The following KDM3A variants were observed in gnomAD, a reference collection of about 807,000 sequenced individuals.
KDM3A encodes the protein lysine demethylase 3A, also known as lysine-specific demethylase 3A.
KDM3A carries 60 observed loss-of-function variants against 158.0 expected under a neutral mutation model. The observed-to-expected ratio is 0.38, with a 90% CI of 0.31 to 0.47. The LOEUF is 0.47. Ranked by LOEUF, KDM3A falls within the 20% of genes least tolerant of loss-of-function variation. The pLI is 0.99. For missense variants in KDM3A, 1,319 were observed against 1,574.3 expected (o/e 0.84, Z 2.74); for synonymous variants, 608 against 549.3 (o/e 1.11, Z -1.49).
chr2:86,444,387 A>T (rs905198256), intron 2 of KDM3A, among the ~76,000 whole-genome samples: 2 of 152,162 alleles, frequency 1.3e-5, no homozygotes, highest in Admixed American at 6.5e-5. Context: ...TAAGATGCCA[A>T]TCTTCTGTCT....
chr2:86,474,081 TTC>T (rs1673539764), intron 11 of KDM3A, among the ~76,000 whole-genome samples: 1 of 152,210 alleles, frequency 6.6e-6, no homozygotes, highest in Non-Finnish European at 1.5e-5. Flanking sequence ...ATTTATCACC[TTC>T]TGTTTGTTAA....
At chr2:86,440,960 C>G (rs1334422277), upstream of KDM3A, 1 of 152,292 alleles carries the variant, frequency 6.6e-6, no homozygotes, top group African/African-American at 2.4e-5. Flanking sequence ...GAAGAACAAT[C>G]CAGTAGGCAC....
chr2:86,456,416 A>ATT (rs11431031), intron 5 of KDM3A, 26 bp from the exon 6 acceptor site: 61,755 of 1,038,660 alleles, frequency 0.059, 86 homozygotes, highest in East Asian at 0.066. Flanking sequence ...TTGCTCTAAG[A>ATT]TTTTTTTTTT....
chr2:86,443,535 G>T (rs993208809), intron 2 of KDM3A: 2 of 152,196 alleles, frequency 1.3e-5, no homozygotes, highest in Non-Finnish European at 2.9e-5. Context: ...GTTCTTGGGG[G>T]TAGGTACTAA....
intron 9 of KDM3A, among the ~76,000 whole-genome samples, chr2:86,464,585 C>T (rs186116182): frequency 1.1e-4 from 16 of 152,228 alleles, no homozygotes; most frequent in Middle Eastern, 3.4e-3. Context: ...AGAGATTCTC[C>T]GCAGCCTCGA....
chr2:86,491,230 C>T lies in KDM3A; in HGVS notation c.3840C>T (p.Phe1280=), dbSNP rs771034729. 3 of 1,613,780 alleles carry T rather than the reference C, an allele frequency of 1.9e-6. No homozygotes were observed. Among genetic ancestry groups the T allele is most frequent in the South Asian group, 1.1e-5 (1 of 91,064 alleles). ...VKHCFWLTQE[F]RYLSQTHTNH... ...ACTGCTTCTGGCTTACTCAGGAATT[C>T]CGATATCTGTCACAGACTCATACCA... The change falls in exon 25 of 26, where the codon TTC becomes TTT. Residue 1280 remains phenylalanine (F), a synonymous_variant. Coordinates refer to ENST00000312912, the MANE Select transcript of KDM3A (RefSeq NM_018433.6).
intron 17 of KDM3A, 136 bp downstream of exon 17, chr2:86,482,238 T>A: frequency 2.5e-6 from 3 of 1,190,838 alleles, no homozygotes; most frequent in Non-Finnish European, 3.6e-6. Context: ...GCTGAGTCAC[T>A]GGAGGATGGG....
At chr2:86,458,543 G>C (rs763399726) in intron 8 of KDM3A, among the ~76,000 whole-genome samples, 52 of 152,182 alleles carry the variant, frequency 3.4e-4, no homozygotes, top group Middle Eastern at 3.2e-3. Flanking sequence ...GAGATTGAAA[G>C]GTATCTGGAG....
intron 1 of KDM3A, 124 bp from the exon 2 acceptor site, chr2:86,441,894 G>A (rs1408852170): frequency 1.6e-6 from 1 of 613,744 alleles, no homozygotes; most frequent in African/African-American, 2.0e-5. Flanking sequence ...GGGGCTCGGT[G>A]CGGGTCCGCC....
chr2:86,448,580 T>C (rs574080858), intron 2 of KDM3A, among the ~76,000 whole-genome samples: 1 of 152,234 alleles, frequency 6.6e-6, no homozygotes, highest in East Asian at 1.9e-4. Context: ...GGACCTCTCT[T>C]GGGAGAGAGA....
rs753748508 is a variant in KDM3A, at chr2:86,448,434, T to C, written c.187-1373T>C. Among the ~76,000 whole-genome samples the C allele has an allele frequency of 5.3e-5, 8 of 152,244 alleles. No individual in the cohort carries two copies. The South Asian group carries it at 6.2e-4, about 12-fold the overall frequency. ...AATTAGATTCCATATACTAGTGATA[T>C]ACAGTTGTAAGCAAAAGCAGAGACA... is the stretch of plus-strand genomic sequence containing the variant. On this transcript the variant is annotated intron_variant, in intron 2 of 25. Transcript: ENST00000312912.
intron 4 of KDM3A, among the ~76,000 whole-genome samples, chr2:86,452,467 C>G (rs912801110): frequency 6.6e-6 from 1 of 151,956 alleles, no homozygotes; most frequent in Non-Finnish European, 1.5e-5. Flanking sequence ...CTGTATTTCC[C>G]CTAGGAGCAA....
intron 15 of KDM3A, 58 bp downstream of exon 15, chr2:86,478,793 C>T: frequency 6.5e-7 from 1 of 1,543,902 alleles, no homozygotes; most frequent in East Asian, 2.3e-5. Flanking sequence ...GTCTGTTTTT[C>T]AAATAACCCA....
rs1035875048 is a variant in KDM3A, at chr2:86,491,409, A to G, written c.3885+134A>G. On this transcript the variant is annotated intron_variant, in intron 25 of 25. Coordinates refer to ENST00000312912, the MANE Select transcript of KDM3A (RefSeq NM_018433.6). The stretch of plus-strand genomic sequence containing the variant: ...CACAGTGAGTCGAGGAACTTGCTTT[A>G]TATCTAGTACTACTATCTACTTAAG... The G allele has an allele frequency of 8.6e-6, 7 of 816,534 alleles. No homozygotes were observed. In the African/African-American group the frequency reaches 1.0e-4, roughly 12 times the overall value. 50.6% of individuals were successfully genotyped at this position (816,534 alleles called of 1,614,324 possible). A position where few individuals can be genotyped will look rare whatever the true frequency, so the allele number is the denominator to read the frequency against.
chr2:86,482,424 CAT>C (rs1272482004), intron 17 of KDM3A, 32 bp from the exon 18 acceptor site: 3 of 1,605,134 alleles, frequency 1.9e-6, no homozygotes, highest in Non-Finnish European at 2.5e-6. Context: ...AAGGGAATGA[CAT>C]ATTTGAGACT....
At chr2:86,437,742 T>G (rs1682514248), upstream of KDM3A, among the ~76,000 whole-genome samples, 1 of 152,196 alleles carries the variant, frequency 6.6e-6, no homozygotes, top group Admixed American at 6.5e-5. Flanking sequence ...GTATTAATTT[T>G]TAGGGATTAC....
intron 11 of KDM3A, among the ~76,000 whole-genome samples, chr2:86,472,199 T>A (rs1368796524): frequency 6.6e-6 from 1 of 152,080 alleles, no homozygotes; most frequent in African/African-American, 2.4e-5. Flanking sequence ...TGTAACAGTC[T>A]AGAAGTCATT....
At chr2:86,491,120 A>AT in intron 24 of KDM3A, 21 bp from the exon 25 acceptor site, 2 of 1,613,736 alleles carry the variant, frequency 1.2e-6, no homozygotes, top group Non-Finnish European at 1.7e-6. Context: ...TGTTACTGAT[A>AT]TATTACTTGG....
intron 8 of KDM3A, among the ~76,000 whole-genome samples, chr2:86,463,433 A>G (rs534701128): frequency 1.3e-5 from 2 of 152,326 alleles, no homozygotes; most frequent in African/African-American, 4.8e-5. Context: ...TTGAAGATTA[A>G]GTTACCTGAA....
Sources: allele counts gnomAD v4.1 joint callset (sites outside exome capture counted in the v4.1 genomes callset), GRCh38; gene constraint gnomAD v4.1.1; transcripts MANE v1.5; gene names NCBI Gene and HGNC (gene_info 2026-07-23, HGNC 2026-07-21).